CNTNAP2: variants seen among roughly 807,000 people sequenced by gnomAD.
The protein encoded by CNTNAP2 is contactin associated protein 2.
A neutral mutation model predicts 155.2 loss-of-function variants in CNTNAP2; 98 were observed. That is an observed-to-expected ratio of 0.63 (90% CI 0.54 to 0.75). CNTNAP2 has a LOEUF of 0.75. Ranked by LOEUF, CNTNAP2 falls within the 30% of genes least tolerant of loss-of-function variation. The pLI, the probability that CNTNAP2 is intolerant of heterozygous loss-of-function variation, is 0.00. For synonymous variants in CNTNAP2, 651 were observed against 631.2 expected, an observed-to-expected ratio of 1.03 and a Z score of -0.47; for missense variants, 1,727 against 1,688.1, an observed-to-expected ratio of 1.02 and a Z score of -0.40.
intron 15 of CNTNAP2, among the ~76,000 whole-genome samples, chr7:147,999,745 T>A (rs1438501075): frequency 1.3e-5 from 2 of 151,922 alleles, no homozygotes; most frequent in Non-Finnish European, 2.9e-5. Flanking sequence ...ACACACACAC[T>A]CTCACACACG....
At chr7:146,280,344 TC>T (rs1314956725) in intron 1 of CNTNAP2, among the ~76,000 whole-genome samples, 1 of 152,202 alleles carries the variant, frequency 6.6e-6, no homozygotes, top group Non-Finnish European at 1.5e-5. Context: ...ACTTTTATTT[TC>T]TTTCCTACTT....
chr7:148,252,703 G>A (rs146950609), intron 20 of CNTNAP2, among the ~76,000 whole-genome samples: 27 of 152,050 alleles, frequency 1.8e-4, no homozygotes, highest in African/African-American at 5.3e-4. Context: ...AGCCCTTCAC[G>A]CCAGGCAGTG....
intron 14 of CNTNAP2, among the ~76,000 whole-genome samples, chr7:147,911,272 G>T (rs1413683160): frequency 6.6e-6 from 1 of 152,198 alleles, no homozygotes; most frequent in Non-Finnish European, 1.5e-5. Flanking sequence ...AAGTGGGAAA[G>T]TTAAGGTTTC....
chr7:146,821,508 A>G (rs2129196248), intron 2 of CNTNAP2, among the ~76,000 whole-genome samples: 2 of 152,282 alleles, frequency 1.3e-5, no homozygotes, highest in Middle Eastern at 6.8e-3. Context: ...GCACAGCAAA[A>G]GAAACTACCA....
chr7:147,934,125 C>T (rs183971204), intron 14 of CNTNAP2, among the ~76,000 whole-genome samples: 227 of 152,230 alleles, frequency 1.5e-3, no homozygotes, highest in African/African-American at 4.9e-3. Flanking sequence ...GGGTATACAA[C>T]GTAGTGCTTA....
chr7:147,816,145 T>C (rs754643986), intron 13 of CNTNAP2, among the ~76,000 whole-genome samples: 1 of 148,390 alleles, frequency 6.7e-6, no homozygotes, highest in African/African-American at 2.5e-5. Flanking sequence ...GAATTTCCCA[T>C]CCACACAGGA....
At chr7:147,282,544 A>C (rs1422177701) in intron 8 of CNTNAP2, among the ~76,000 whole-genome samples, 1 of 151,894 alleles carries the variant, frequency 6.6e-6, no homozygotes. Context: ...TAAGGCATAC[A>C]GAGATGGTGA....
At chr7:146,774,526 T>A (rs1050382487) in intron 2 of CNTNAP2, 145 bp downstream of exon 2, 1 of 655,800 alleles carries the variant, frequency 1.5e-6, no homozygotes, top group Non-Finnish European at 2.7e-6. Flanking sequence ...GATCCATAGA[T>A]GCCATTAACC....
intron 21 of CNTNAP2, among the ~76,000 whole-genome samples, chr7:148,299,443 G>A (rs1797343300): frequency 6.6e-6 from 1 of 152,252 alleles, no homozygotes; most frequent in South Asian, 2.1e-4. Context: ...CAGGAAGGCT[G>A]GGCAGAGCCA....
At chr7:147,530,186 C>CTTT (rs35151574) in intron 11 of CNTNAP2, among the ~76,000 whole-genome samples, 30,418 of 136,192 alleles carry the variant, frequency 0.22, 4,039 homozygotes, top group South Asian at 0.3. Context: ...GCAAAAGGCA[C>CTTT]TTTTTTTTTT....
intron 21 of CNTNAP2, among the ~76,000 whole-genome samples, chr7:148,347,870 G>A (rs1315793602): frequency 6.6e-6 from 1 of 152,216 alleles, no homozygotes; most frequent in Non-Finnish European, 1.5e-5. Context: ...TACAGCTGGA[G>A]TTGCATTAAA....
intron 13 of CNTNAP2, among the ~76,000 whole-genome samples, chr7:147,901,530 A>G (rs1452008795): frequency 1.3e-5 from 2 of 152,190 alleles, no homozygotes; most frequent in African/African-American, 4.8e-5. Context: ...GCCCAATTCT[A>G]CTACATATGA....
intron 8 of CNTNAP2, among the ~76,000 whole-genome samples, chr7:147,231,997 C>T (rs1803691289): frequency 6.6e-6 from 1 of 152,118 alleles, no homozygotes; most frequent in South Asian, 2.1e-4. Context: ...ACAAAATCAA[C>T]ATACAAATCA....
intron 1 of CNTNAP2, among the ~76,000 whole-genome samples, chr7:146,696,362 A>T (rs1054568205): frequency 7.2e-5 from 11 of 152,274 alleles, no homozygotes; most frequent in Non-Finnish European, 1.5e-4. Flanking sequence ...TATGAAGTCA[A>T]TGTTAATTAC....
intron 20 of CNTNAP2, among the ~76,000 whole-genome samples, chr7:148,255,687 A>G (rs556403978): frequency 2.6e-5 from 4 of 152,368 alleles, no homozygotes; most frequent in South Asian, 4.1e-4. Flanking sequence ...CATTACCATA[A>G]TAACAATGGC....
chr7:148,006,342 CAG>C (rs1801979791), intron 15 of CNTNAP2, among the ~76,000 whole-genome samples: 1 of 104,876 alleles, frequency 9.5e-6, no homozygotes. Flanking sequence ...TTTTTTGAAA[CAG>C]AGTCTTGCTC....
chr7:147,939,812 A>AC (rs1007245581), intron 14 of CNTNAP2, among the ~76,000 whole-genome samples: 3 of 150,806 alleles, frequency 2.0e-5, no homozygotes, highest in African/African-American at 7.3e-5. Context: ...TCACACACAC[A>AC]CCCCCCAGCA....
intron 13 of CNTNAP2, among the ~76,000 whole-genome samples, chr7:147,776,588 G>A (rs1448260240): frequency 1.3e-5 from 2 of 151,954 alleles, no homozygotes; most frequent in Admixed American, 1.3e-4. Flanking sequence ...TATAAAAGGA[G>A]AAAGAAAACC....
At chr7:146,976,968 C>T (rs931030900) in intron 3 of CNTNAP2, among the ~76,000 whole-genome samples, 2 of 151,874 alleles carry the variant, frequency 1.3e-5, no homozygotes, top group African/African-American at 4.8e-5. Context: ...GACAGAAAGG[C>T]GGAGGAAGAT....
Sources: allele counts gnomAD v4.1 joint callset (sites outside exome capture counted in the v4.1 genomes callset), GRCh38; gene constraint gnomAD v4.1.1; transcripts MANE v1.5; gene names NCBI Gene and HGNC (gene_info 2026-07-23, HGNC 2026-07-21).